The following ANO4 variants were observed in gnomAD, a reference collection of about 807,000 sequenced individuals.
ANO4 encodes anoctamin 4, also known as anoctamin-4.
A neutral mutation model predicts 141.9 loss-of-function variants in ANO4; 69 were observed. The observed-to-expected ratio is 0.49, with a 90% CI of 0.40 to 0.59. The LOEUF is 0.59. Among genes scored for constraint, ANO4 ranks in the 20% least tolerant of loss-of-function variants. The pLI is 0.00. For synonymous variants in ANO4, 350 were observed against 394.3 expected, an observed-to-expected ratio of 0.89 and a Z score of 1.33; for missense variants, 894 against 1,162.2, an observed-to-expected ratio of 0.77 and a Z score of 3.36.
rs147161512 is a variant in ANO4 at position 100,737,733 on chromosome 12, T to C, written c.107-2121T>C. Among the ~76,000 whole-genome samples, 35 of 152,334 alleles carry C rather than the reference T, an allele frequency of 2.3e-4. 1 individual carries two copies. In the East Asian group the frequency reaches 6.6e-3, roughly 29 times the overall value. On this transcript the variant is annotated intron_variant, in intron 2 of 29. Transcript: ENST00000644049. Reference sequence around the variant, plus strand: ...ACAAAAATACTTTACAACCTTAGACTCAAAGCACTAGAGGGAGGACAGATC... The same window carrying C: ...ACAAAAATACTTTACAACCTTAGACCCAAAGCACTAGAGGGAGGACAGATC...
rs78593893 is a variant in ANO4 at position 100,990,554 on chromosome 12, T to C, written c.734+2884T>C. Among the ~76,000 whole-genome samples the C allele has an allele frequency of 5.9e-3, 895 of 152,360 alleles. 7 individuals carry two copies. Among genetic ancestry groups the C allele is most frequent in the African/African-American group, 0.02 (844 of 41,582 alleles). ...TTAATTTGTCAAATAATTGATTTAT[T>C]CAATAGTCACTAATTTAGTGTTCAC... On this transcript the variant is annotated intron_variant, in intron 8 of 27. Coordinates refer to ENST00000392977, the MANE Select transcript of ANO4 (RefSeq NM_001286615.2).
intron 1 of ANO4, among the ~76,000 whole-genome samples, chr12:100,872,321 A>G (rs2039076629): frequency 6.6e-6 from 1 of 152,200 alleles, no homozygotes; most frequent in Non-Finnish European, 1.5e-5. Context: ...GTGGAAATAG[A>G]AGGAGATTGA....
intron 1 of ANO4, among the ~76,000 whole-genome samples, chr12:100,831,954 A>T (rs2036654266): frequency 6.6e-6 from 1 of 152,242 alleles, no homozygotes; most frequent in African/African-American, 2.4e-5. Context: ...TTTATTGAGA[A>T]GTATAAATGT....
intron 8 of ANO4, among the ~76,000 whole-genome samples, chr12:101,003,284 G>T (rs892461994): frequency 6.6e-6 from 1 of 152,230 alleles, no homozygotes; most frequent in African/African-American, 2.4e-5. Context: ...ATGGGATCTG[G>T]ACTGAAGAAG....
At chr12:100,841,964 A>G (rs893747630) in intron 1 of ANO4, among the ~76,000 whole-genome samples, 13 of 149,896 alleles carry the variant, frequency 8.7e-5, no homozygotes, top group Non-Finnish European at 1.8e-4. Context: ...TCTTCCTGAT[A>G]GCGAGTCAGC....
At chr12:100,771,388 T>G (rs1281708008) in intron 3 of ANO4, among the ~76,000 whole-genome samples, 2 of 152,152 alleles carry the variant, frequency 1.3e-5, no homozygotes, top group Admixed American at 6.5e-5. Flanking sequence ...GGTAGCTGAT[T>G]AAGTTAACAA....
At chr12:100,719,276 C>T (rs1407710524) in intron 1 of ANO4, among the ~76,000 whole-genome samples, 1 of 152,200 alleles carries the variant, frequency 6.6e-6, no homozygotes, top group Non-Finnish European at 1.5e-5. Flanking sequence ...ACAAATTCCA[C>T]GTTAATTCTT....
chr12:100,746,452 T>C (rs931393163), intron 3 of ANO4, among the ~76,000 whole-genome samples: 3 of 102,076 alleles, frequency 2.9e-5, no homozygotes, highest in African/African-American at 9.2e-5. Flanking sequence ...GACTCTGTTA[T>C]TAAAAAGAAT....
intron 8 of ANO4, among the ~76,000 whole-genome samples, chr12:100,999,622 A>G (rs1321078509): frequency 6.6e-6 from 1 of 152,174 alleles, no homozygotes; most frequent in Non-Finnish European, 1.5e-5. Flanking sequence ...AAATTTGCCA[A>G]TCCAAAAAGT....
chr12:101,045,277 AG>A (rs987212993), intron 13 of ANO4, among the ~76,000 whole-genome samples: 8 of 152,246 alleles, frequency 5.3e-5, no homozygotes, highest in African/African-American at 1.9e-4. Flanking sequence ...AGACTCAAAG[AG>A]GTAAAAATTA....
At chr12:101,029,108 A>G (rs910639672) in intron 9 of ANO4, among the ~76,000 whole-genome samples, 6 of 152,214 alleles carry the variant, frequency 3.9e-5, no homozygotes, top group Non-Finnish European at 8.8e-5. Flanking sequence ...GAGAAATAAA[A>G]TCCTTTCCAG....
intron 1 of ANO4, among the ~76,000 whole-genome samples, chr12:100,900,097 C>CCGAA (rs1555244640): frequency 6.6e-6 from 1 of 151,854 alleles, no homozygotes. Context: ...AGTTCTCACT[C>CCGAA]AGAAAGAAAG....
Position 100,941,215 on chromosome 12 carries a change from T to TA in ANO4, c.298-1150dup, listed in dbSNP as rs909254191. On this transcript the variant is annotated intron_variant, in intron 4 of 27. Coordinates refer to ENST00000392977, the MANE Select transcript of ANO4 (RefSeq NM_001286615.2). ...GGTAAAATGTTTTTCTTGTTGTGGG[T>TA]AAAAAAAAAAAAGAGAAACACTGAA... is the stretch of plus-strand genomic sequence containing the variant. Among the ~76,000 whole-genome samples, 398 of 141,066 alleles carry TA rather than the reference T, an allele frequency of 2.8e-3. 1 individual carries two copies. The highest frequency in any genetic ancestry group is 8.1e-3 in the African/African-American group (313 of 38,784). The allele number at this position is 141,066 out of a possible 152,430, so 92.5% of individuals were successfully genotyped here. A position where few individuals can be genotyped will look rare whatever the true frequency, so the allele number is the denominator to read the frequency against.
At chr12:101,024,960 T>C (rs1227624342) in intron 9 of ANO4, among the ~76,000 whole-genome samples, 1 of 152,242 alleles carries the variant, frequency 6.6e-6, no homozygotes, top group Non-Finnish European at 1.5e-5. Flanking sequence ...CCAGTTAGGC[T>C]AAACCTCTAG....
At chr12:100,809,555 CA>C (rs1309596157) in intron 1 of ANO4, among the ~76,000 whole-genome samples, 3 of 152,152 alleles carry the variant, frequency 2.0e-5, no homozygotes, top group Admixed American at 6.5e-5. Context: ...GTGGGCAGAT[CA>C]GGGGAGGCTT....
chr12:100,805,986 CA>C (rs1209432409), intron 1 of ANO4, among the ~76,000 whole-genome samples: 1 of 152,158 alleles, frequency 6.6e-6, no homozygotes, highest in East Asian at 1.9e-4. Context: ...AGCAACCTAA[CA>C]GCAAATATGA....
At chr12:101,067,934 C>T (rs2048657575) in intron 14 of ANO4, among the ~76,000 whole-genome samples, 1 of 152,080 alleles carries the variant, frequency 6.6e-6, no homozygotes, top group South Asian at 2.1e-4. Flanking sequence ...GGAAAAAAAT[C>T]CTTTGGAATA....
In ANO4 at chr12:100,901,703, G is replaced by C. The variant is rs1278508743; in HGVS notation, c.-83G>C. On this transcript the variant is annotated 5_prime_UTR_variant, in exon 2 of 28. Transcript: ENST00000392977. ...CGTTTGCAAATCCATCAACGGCGAAGTGTGGCAAGCCGCCCAGCGTCACGT... is the reference window on the plus strand; with the variant it reads ...CGTTTGCAAATCCATCAACGGCGAACTGTGGCAAGCCGCCCAGCGTCACGT... 1.6e-6 allele frequency: 2 copies of C among 1,251,584 alleles called. No homozygotes were observed. The highest frequency in any genetic ancestry group is 2.4e-6 in the Non-Finnish European group (2 of 849,724). 77.5% of individuals were successfully genotyped at this position (1,251,584 alleles called of 1,614,324 possible).
At chr12:100,860,790 C>G (rs2038427664) in intron 1 of ANO4, among the ~76,000 whole-genome samples, 1 of 152,206 alleles carries the variant, frequency 6.6e-6, no homozygotes, top group East Asian at 1.9e-4. Flanking sequence ...TCATGCATCA[C>G]TTAACGATGA....
Sources: gnomAD v4.1 joint callset for allele counts (sites outside exome capture counted in the v4.1 genomes callset) on GRCh38, gnomAD v4.1.1 for gene constraint, MANE v1.5 for transcripts, NCBI Gene and HGNC (gene_info 2026-07-23, HGNC 2026-07-21) for gene names.